RGS6: variants seen among roughly 807,000 people sequenced by gnomAD.
RGS6 encodes the protein regulator of G-protein signaling 6.
RGS6 carries 30 observed loss-of-function variants against 78.5 expected under a neutral mutation model. The observed-to-expected ratio is 0.38, with a 90% confidence interval of 0.29 to 0.52. RGS6 has a LOEUF of 0.52. Among genes scored for constraint, RGS6 ranks in the 20% least tolerant of loss-of-function variants. The pLI is 0.85. For synonymous variants in RGS6, 206 were observed against 206.0 expected (o/e 1.00, Z 0.00); for missense variants, 495 against 609.7 (o/e 0.81, Z 1.98).
intron 2 of RGS6, among the ~76,000 whole-genome samples, chr14:72,342,224 G>GT (rs138961925): frequency 0.076 from 11,531 of 151,998 alleles, 1,411 homozygotes; most frequent in African/African-American, 0.26. Flanking sequence ...AAGGATCTTT[G>GT]TTTTTTCATG....
chr14:72,465,599 TGGTTGGGTGGA>T (rs1566914105), intron 6 of RGS6, among the ~76,000 whole-genome samples, 148 bp from the exon 7 acceptor site: 31 of 144,350 alleles, frequency 2.1e-4, no homozygotes, highest in African/African-American at 7.8e-4. Flanking sequence ...GATGGATGGA[TGGTTGGGTGGA>T]TGGGTGGATG....
chr14:71,958,258 A>G (rs911559515), intron 1 of RGS6, among the ~76,000 whole-genome samples: 29 of 152,322 alleles, frequency 1.9e-4, no homozygotes, highest in Admixed American at 4.6e-4. Flanking sequence ...CAAGATGGAC[A>G]TGTTGGAAAA....
intron 2 of RGS6, among the ~76,000 whole-genome samples, chr14:72,259,515 A>T (rs147297088): frequency 1.0e-3 from 157 of 152,320 alleles, no homozygotes; most frequent in African/African-American, 3.4e-3. Context: ...ATATGGGAAA[A>T]TGCTGGTACT....
intron 14 of RGS6, chr14:72,511,892 G>A (rs11626185): frequency 0.15 from 22,128 of 152,222 alleles, 1,732 homozygotes; most frequent in African/African-American, 0.21. Flanking sequence ...ACATCTCAGA[G>A]CTTCATTTCA....
intron 17 of RGS6, among the ~76,000 whole-genome samples, chr14:72,559,418 G>A (rs983272854): frequency 9.9e-5 from 15 of 152,200 alleles, no homozygotes; most frequent in African/African-American, 2.9e-4. Flanking sequence ...ACCCATGCCC[G>A]CATCCTGCAT....
At chr14:71,975,919 T>G (rs1313938749) in intron 2 of RGS6, among the ~76,000 whole-genome samples, 1 of 152,224 alleles carries the variant, frequency 6.6e-6, no homozygotes, top group Non-Finnish European at 1.5e-5. Context: ...TGTCATTTTG[T>G]GCTTCAACAT....
intron 2 of RGS6, among the ~76,000 whole-genome samples, chr14:72,277,681 A>G (rs945370999): frequency 7.9e-5 from 12 of 152,076 alleles, no homozygotes; most frequent in African/African-American, 2.7e-4. Flanking sequence ...TAATCCTAGC[A>G]CTTTGGGAGG....
chr14:71,974,957 T>C (rs924195959), intron 2 of RGS6, among the ~76,000 whole-genome samples: 1 of 152,062 alleles, frequency 6.6e-6, no homozygotes, highest in African/African-American at 2.4e-5. Context: ...CTGGGTAACA[T>C]AGGGAGACAA....
At chr14:72,133,050 A>G (rs2096361468) in intron 2 of RGS6, among the ~76,000 whole-genome samples, 1 of 152,170 alleles carries the variant, frequency 6.6e-6, no homozygotes, top group South Asian at 2.1e-4. Flanking sequence ...GACTTCCTCC[A>G]AGAAGAAGGA....
At chr14:72,456,983 C>T (rs1350754396) in intron 4 of RGS6, among the ~76,000 whole-genome samples, 1 of 149,262 alleles carries the variant, frequency 6.7e-6, no homozygotes, top group African/African-American at 2.5e-5. Flanking sequence ...ACTTGGGAGG[C>T]TGGGGCAGAA....
intron 3 of RGS6, among the ~76,000 whole-genome samples, chr14:72,362,670 C>T (rs571896683): frequency 6.6e-6 from 1 of 152,242 alleles, no homozygotes; most frequent in African/African-American, 2.4e-5. Flanking sequence ...ATAAAAACTG[C>T]AAGACCTCTT....
rs115941090 is a variant in RGS6, at chr14:72,169,934, C to T, written c.85-182161C>T. On this transcript the variant is annotated intron_variant, in intron 2 of 17. Transcript: ENST00000553525. Reference sequence around the variant, plus strand: ...CCCAGGTAATACCTATGCTCATTAACATTTGAGAAATATTGCCCTTTGAGA... The same window carrying T: ...CCCAGGTAATACCTATGCTCATTAATATTTGAGAAATATTGCCCTTTGAGA... Among the ~76,000 whole-genome samples the T allele has an allele frequency of 9.0e-3, 1,375 of 152,256 alleles. 14 individuals are homozygous for T. Among genetic ancestry groups the T allele is most frequent in the Middle Eastern group, 0.034 (10 of 292 alleles).
intron 3 of RGS6, among the ~76,000 whole-genome samples, chr14:72,406,386 A>G (rs943153511): frequency 2.0e-5 from 3 of 152,154 alleles, no homozygotes; most frequent in Non-Finnish European, 2.9e-5. Flanking sequence ...CCATCTCAAA[A>G]AAAAAAATAA....
At chr14:72,449,072 A>G (rs917939004) in intron 3 of RGS6, among the ~76,000 whole-genome samples, 1 of 152,182 alleles carries the variant, frequency 6.6e-6, no homozygotes, top group Non-Finnish European at 1.5e-5. Flanking sequence ...GGTGGCCTGA[A>G]GCTGTCCTCC....
intron 2 of RGS6, among the ~76,000 whole-genome samples, chr14:72,202,752 A>G (rs747508727): frequency 6.6e-6 from 1 of 151,988 alleles, no homozygotes; most frequent in African/African-American, 2.4e-5. Context: ...GAGGGCAGGC[A>G]CGTGTTAAAA....
chr14:72,238,108 T>TGTCTCTG, intron 2 of RGS6, among the ~76,000 whole-genome samples: 1 of 152,178 alleles, frequency 6.6e-6, no homozygotes, highest in East Asian at 1.9e-4. Flanking sequence ...GAAGGTGCTC[T>TGTCTCTG]ATCTCTGAAG....
intron 3 of RGS6, among the ~76,000 whole-genome samples, chr14:72,437,167 C>CAAAAAAAAA (rs71109735): frequency 4.8e-3 from 359 of 74,116 alleles, no homozygotes; most frequent in Non-Finnish European, 5.6e-3. Flanking sequence ...ACTAAAAATA[C>CAAAAAAAAA]AAAAAAAAAA....
chr14:71,904,700 C>T, the RGS6 span, among the ~76,000 whole-genome samples: 1 of 152,238 alleles, frequency 6.6e-6, no homozygotes. Context: ...AATTTGGTGC[C>T]TCATTTACTA....
chr14:72,391,349 G>A (rs1367461803), intron 3 of RGS6, among the ~76,000 whole-genome samples: 4 of 152,146 alleles, frequency 2.6e-5, no homozygotes, highest in African/African-American at 4.8e-5. Context: ...AAAACTGGCC[G>A]TGGAAAAGGG....
Sources: allele counts gnomAD v4.1 joint callset (sites outside exome capture counted in the v4.1 genomes callset), GRCh38; gene constraint gnomAD v4.1.1; transcripts MANE v1.5; gene names NCBI Gene and HGNC (gene_info 2026-07-23, HGNC 2026-07-21).